Variants in RPA3 observed in about 807,000 individuals in gnomAD.
RPA3 encodes the protein replication protein A3, also known as replication protein A 14 kDa subunit.
Under a neutral mutation model 13.7 loss-of-function variants are expected in RPA3, and 24 were observed. The ratio of observed to expected loss-of-function variants is 1.75; its 90% CI spans 1.27 to 2.46. The LOEUF is 2.46. RPA3 is among the 30% of genes most tolerant of loss of function. RPA3 has a pLI of 0.00. For missense variants in RPA3, 183 were observed against 151.0 expected, an observed-to-expected ratio of 1.21 and a Z score of -1.11; for synonymous variants, 59 against 51.2, an observed-to-expected ratio of 1.15 and a Z score of -0.65.
rs1325117214 is a variant in RPA3 at position 7,687,222 on chromosome 7, A to G, written c.-927+6T>C. On this transcript the variant is annotated splice_donor_region_variant and intron_variant, in intron 3 of 7. Transcript: ENST00000223129. Reference sequence around the variant, plus strand: ...CTTGCTGTGTGATTTTGAGCAGGCTACTTACCATTTCAGCCTCATTTTCCT... The same window carrying G: ...CTTGCTGTGTGATTTTGAGCAGGCTGCTTACCATTTCAGCCTCATTTTCCT... The G allele has an allele frequency of 6.6e-6, 1 of 152,198 alleles. No homozygotes were observed. The highest frequency in any genetic ancestry group is 1.5e-5 in the Non-Finnish European group (1 of 68,032). The allele number at this position is 152,198 out of a possible 1,614,324, so 9.4% of individuals were successfully genotyped here. A position where few individuals can be genotyped will look rare whatever the true frequency, so the allele number is the denominator to read the frequency against.
intron 4 of RPA3, among the ~76,000 whole-genome samples, chr7:7,660,771 T>C (rs1180683248): frequency 7.4e-6 from 1 of 135,002 alleles, no homozygotes; most frequent in African/African-American, 2.5e-5. Flanking sequence ...ATCTGGCAAT[T>C]ATGTGTCTTG....
intron 2 of RPA3, among the ~76,000 whole-genome samples, chr7:7,709,755 C>G (rs1563143234): frequency 6.6e-6 from 1 of 151,732 alleles, no homozygotes; most frequent in Non-Finnish European, 1.5e-5. Context: ...TTATGCAAAT[C>G]TCAATTTGAA....
At chr7:7,700,384 A>G (rs912886375) in intron 2 of RPA3, among the ~76,000 whole-genome samples, 2 of 152,188 alleles carry the variant, frequency 1.3e-5, no homozygotes, top group African/African-American at 4.8e-5. Flanking sequence ...TTGAGGGAAC[A>G]CAAATATTCA....
chr7:7,673,356 AGC>A (rs1779657518), intron 4 of RPA3: 1 of 1,287,796 alleles, frequency 7.8e-7, no homozygotes. Context: ...CAGCAGCAGC[AGC>A]AGCAGCAGCA....
chr7:7,688,457 C>T (rs1410891519), intron 2 of RPA3, among the ~76,000 whole-genome samples: 1 of 152,140 alleles, frequency 6.6e-6, no homozygotes, highest in African/African-American at 2.4e-5. Flanking sequence ...TTATCCGAAT[C>T]CAAGGTGTTT....
At position 7,709,312 on chromosome 7, in the gene RPA3, A is replaced by C. The variant is rs115733654; in HGVS notation, c.-1028+5863T>G. On this transcript the variant is annotated intron_variant, in intron 2 of 7. Transcript: ENST00000223129. ...ATTCTTTGTAAATATGAACATTAGA[A>C]ACTTGTTCAATTGTGGGTCGTCATT... Among the ~76,000 whole-genome samples the C allele has an allele frequency of 1.5e-3, 234 of 152,350 alleles. 1 individual carries two copies. The highest frequency in any genetic ancestry group is 5.3e-3 in the African/African-American group (219 of 41,576).
chr7:7,700,924 C>T (rs1780445667), intron 2 of RPA3, among the ~76,000 whole-genome samples: 1 of 152,034 alleles, frequency 6.6e-6, no homozygotes, highest in Admixed American at 6.6e-5. Context: ...GTGGTGCATA[C>T]CTGTAGTCCC....
At chr7:7,651,424 A>G (rs939525869) in intron 4 of RPA3, among the ~76,000 whole-genome samples, 4 of 152,152 alleles carry the variant, frequency 2.6e-5, no homozygotes, top group Non-Finnish European at 4.4e-5. Context: ...GCCTGTTCCC[A>G]TTTAGGGCTG....
At chr7:7,718,286 T>G (rs1478288713) in intron 1 of RPA3, among the ~76,000 whole-genome samples, 1 of 152,236 alleles carries the variant, frequency 6.6e-6, no homozygotes, top group African/African-American at 2.4e-5. Context: ...ATTTTAACCA[T>G]AAAACTATTT....
intron 4 of RPA3, among the ~76,000 whole-genome samples, chr7:7,663,695 C>T (rs1033013220): frequency 3.9e-5 from 6 of 152,174 alleles, no homozygotes; most frequent in African/African-American, 1.4e-4. Context: ...CTCAAAGCCT[C>T]ATCACACACT....
intron 4 of RPA3, among the ~76,000 whole-genome samples, chr7:7,663,439 T>C (rs1163929897): frequency 6.6e-6 from 1 of 152,154 alleles, no homozygotes; most frequent in East Asian, 1.9e-4. Flanking sequence ...GCTTATCCTC[T>C]CAGGCATCTG....
chr7:7,711,684 C>T (rs1293903873), intron 2 of RPA3, among the ~76,000 whole-genome samples: 1 of 151,942 alleles, frequency 6.6e-6, no homozygotes, highest in East Asian at 1.9e-4. Context: ...CTTTTCCCTG[C>T]TGTATTGTCT....
chr7:7,683,627 T>A (rs1348853300), intron 4 of RPA3, among the ~76,000 whole-genome samples: 1 of 150,340 alleles, frequency 6.7e-6, no homozygotes, highest in African/African-American at 2.4e-5. Context: ...TTTCTTTTCC[T>A]TTTCTTTTTT....
At chr7:7,658,216 A>T (rs564645662) in intron 4 of RPA3, among the ~76,000 whole-genome samples, 2 of 152,344 alleles carry the variant, frequency 1.3e-5, no homozygotes, top group East Asian at 3.9e-4. Flanking sequence ...TTGGGCTGAG[A>T]CGATGGGGTT....
At chr7:7,659,324 A>T (rs904983558) in intron 4 of RPA3, among the ~76,000 whole-genome samples, 2 of 151,588 alleles carry the variant, frequency 1.3e-5, no homozygotes, top group Non-Finnish European at 2.9e-5. Context: ...CTCTGATCTT[A>T]GTTATTTCTT....
chr7:7,706,545 T>G (rs1780604955), intron 2 of RPA3, among the ~76,000 whole-genome samples: 1 of 152,214 alleles, frequency 6.6e-6, no homozygotes, highest in Admixed American at 6.5e-5. Flanking sequence ...TTAGATATCA[T>G]TTTTTAAAAT....
chr7:7,661,686 C>A (rs564431137), intron 4 of RPA3, among the ~76,000 whole-genome samples: 2 of 152,258 alleles, frequency 1.3e-5, no homozygotes, highest in African/African-American at 4.8e-5. Flanking sequence ...GAAGCTTTGT[C>A]CCAGAGGGGC....
chr7:7,702,825 T>TA (rs776879165), intron 2 of RPA3, among the ~76,000 whole-genome samples: 2 of 152,146 alleles, frequency 1.3e-5, no homozygotes, highest in Non-Finnish European at 2.9e-5. Flanking sequence ...TTGCCTTTTG[T>TA]AAAAAATGCT....
rs572057706 is a variant in RPA3 at position 7,680,734 on chromosome 7, A to G, written c.-758+5096T>C. ...CTTTGGTTGCTTTCATCAGTATTTT[A>G]TAATTTTTATTTTAGAGATCTTTCA... On this transcript the variant is annotated intron_variant, in intron 4 of 7. Transcript: ENST00000223129. 2.6e-5 allele frequency among the ~76,000 whole-genome samples: 4 copies of G among 151,960 alleles called. 1 individual carries two copies. The highest frequency in any genetic ancestry group is 9.6e-5 in the African/African-American group (4 of 41,466).
Sources: gnomAD v4.1 joint callset for allele counts (sites outside exome capture counted in the v4.1 genomes callset) on GRCh38, gnomAD v4.1.1 for gene constraint, MANE v1.5 for transcripts, NCBI Gene and HGNC (gene_info 2026-07-23, HGNC 2026-07-21) for gene names.